CHEK2: variants seen among roughly 807,000 people sequenced by gnomAD.
The protein encoded by CHEK2 is checkpoint kinase 2.
A neutral mutation model predicts 69.1 loss-of-function variants in CHEK2; 71 were observed. The ratio of observed to expected loss-of-function variants is 1.03; its 90% CI spans 0.85 to 1.25. CHEK2 has a LOEUF of 1.25. CHEK2 is among the 50% of genes most tolerant of loss of function. CHEK2 has a pLI of 0.00. For missense variants in CHEK2, 664 were observed against 649.6 expected (o/e 1.02, Z -0.24); for synonymous variants, 189 against 226.9 (o/e 0.83, Z 1.50).
At chr22:28,731,522 G>T (rs1463014647) in intron 2 of CHEK2, among the ~76,000 whole-genome samples, 4 of 151,962 alleles carry the variant, frequency 2.6e-5, no homozygotes, top group Non-Finnish European at 5.9e-5. Flanking sequence ...CTTCAACCCA[G>T]GAGATTGAGG....
At chr22:28,694,393 G>A (rs183366866) in intron 12 of CHEK2, among the ~76,000 whole-genome samples, 70 of 152,190 alleles carry the variant, frequency 4.6e-4, no homozygotes, top group African/African-American at 1.6e-3. Context: ...ACTCAAGGTC[G>A]GACTAATTAA....
At chr22:28,713,944 G>A (rs1294116904) in intron 5 of CHEK2, among the ~76,000 whole-genome samples, 2 of 152,196 alleles carry the variant, frequency 1.3e-5, no homozygotes, top group Non-Finnish European at 2.9e-5. Context: ...GCCTCCCAAA[G>A]TGCTGGGATT....
chr22:28,691,597 G>A (rs1296386889), intron 13 of CHEK2, among the ~76,000 whole-genome samples: 5 of 152,280 alleles, frequency 3.3e-5, no homozygotes, highest in African/African-American at 9.6e-5. Flanking sequence ...TTGTGAGGCT[G>A]AGGCGGGAGG....
chr22:28,721,642 A>G (rs1348807094), intron 4 of CHEK2: 2 of 461,596 alleles, frequency 4.3e-6, no homozygotes, highest in East Asian at 1.4e-4. Context: ...CTATTAAAAA[A>G]AAAAAGATAA....
chr22:28,693,241 A>C (rs1319244964), intron 13 of CHEK2, among the ~76,000 whole-genome samples: 2 of 152,170 alleles, frequency 1.3e-5, no homozygotes, highest in Non-Finnish European at 2.9e-5. Flanking sequence ...ACATACTTCC[A>C]ACTCTTGGCA....
At chr22:28,721,919 T>TG (rs1325311169) in intron 4 of CHEK2, among the ~76,000 whole-genome samples, 1 of 151,666 alleles carries the variant, frequency 6.6e-6, no homozygotes, top group African/African-American at 2.4e-5. Flanking sequence ...TTGGCAGAGA[T>TG]GGGGTCTCAC....
chr22:28,725,483 A>T (rs2053972766), intron 2 of CHEK2, 116 bp from the exon 3 acceptor site: 1 of 1,208,794 alleles, frequency 8.3e-7, no homozygotes, highest in African/African-American at 1.5e-5. Flanking sequence ...CAGAATTATC[A>T]ATCTGCTTAT....
In CHEK2 at chr22:28,730,765, G is replaced by A. The variant is rs112347699; in HGVS notation, c.319+3638C>T. On this transcript the variant is annotated intron_variant, in intron 2 of 14. Coordinates refer to ENST00000404276, the MANE Select transcript of CHEK2 (RefSeq NM_007194.4). The stretch of plus-strand genomic sequence containing the variant: ...CCCAGCTACTTGGGAGGCTGAGGCA[G>A]GAGAATCGCTTGAAACCGGGAGGAG... Among the ~76,000 whole-genome samples, 49 of 152,288 alleles carry A rather than the reference G, an allele frequency of 3.2e-4. 1 individual carries two copies. Among genetic ancestry groups the A allele is most frequent in the African/African-American group, 1.1e-3 (45 of 41,570 alleles).
intron 1 of CHEK2, among the ~76,000 whole-genome samples, chr22:28,740,580 C>T (rs1275724050): frequency 2.0e-5 from 3 of 152,138 alleles, no homozygotes; most frequent in South Asian, 2.1e-4. Context: ...CTATTGTGTA[C>T]GGTTTACAAT....
chr22:28,718,883 A>AACAC (rs144577000), intron 5 of CHEK2, among the ~76,000 whole-genome samples: 14,043 of 140,392 alleles, frequency 0.1, 821 homozygotes, highest in Middle Eastern at 0.18. Context: ...CTCTGACACT[A>AACAC]ACACACACAC....
chr22:28,732,108 A>AT (rs1477011028), intron 2 of CHEK2, among the ~76,000 whole-genome samples: 1 of 149,268 alleles, frequency 6.7e-6, no homozygotes, highest in Admixed American at 6.7e-5. Context: ...CGCCCCGCAA[A>AT]TTTTTTTTTC....
intron 9 of CHEK2, among the ~76,000 whole-genome samples, chr22:28,699,495 G>T (rs908916455): frequency 2.0e-5 from 3 of 150,510 alleles, no homozygotes; most frequent in African/African-American, 7.3e-5. Context: ...CTCCCGAGTA[G>T]CTGGGACTAC....
At position 28,715,614 on chromosome 22, in the gene CHEK2, T is replaced by C. The variant is rs1389259869; in HGVS notation, c.684-3597A>G. Among the ~76,000 whole-genome samples the C allele has an allele frequency of 2.0e-5, 3 of 151,906 alleles. No homozygotes were observed. The East Asian group carries it at 5.8e-4, about 29-fold the overall frequency. On this transcript the variant is annotated intron_variant, in intron 5 of 14. Coordinates refer to ENST00000404276, the MANE Select transcript of CHEK2 (RefSeq NM_007194.4). ...TTTATATTTTTAGTAGAGACAGGGT[T>C]TTACTGTGTCAGCCCGGCTGGTCTC...
At chr22:28,692,875 T>G (rs1211936549) in intron 13 of CHEK2, among the ~76,000 whole-genome samples, 2 of 152,204 alleles carry the variant, frequency 1.3e-5, no homozygotes, top group Non-Finnish European at 2.9e-5. Flanking sequence ...TCACCAGATC[T>G]GACAGTTTCA....
Position 28,702,628 on chromosome 22 carries a change from C to T in CHEK2, c.908+877G>A, listed in dbSNP as rs560909720. On this transcript the variant is annotated intron_variant, in intron 8 of 14. Coordinates refer to ENST00000404276, the MANE Select transcript of CHEK2 (RefSeq NM_007194.4). ...GTGGCACAATCTCAGCTCACTGCAACCTCTGCCTCCCGGGTTCAAGCTATT... is the reference window on the plus strand; with the variant it reads ...GTGGCACAATCTCAGCTCACTGCAATCTCTGCCTCCCGGGTTCAAGCTATT... Among the ~76,000 whole-genome samples the T allele has an allele frequency of 2.0e-5, 3 of 150,204 alleles. No homozygotes were observed. In the South Asian group the frequency reaches 6.3e-4, roughly 32 times the overall value.
chr22:28,719,338 C>A, intron 5 of CHEK2, 57 bp downstream of exon 5: 1 of 882,410 alleles, frequency 1.1e-6, no homozygotes, highest in Non-Finnish European at 1.8e-6. Context: ...TGAGAAACCA[C>A]CAATCACAAA....
chr22:28,706,060 G>A (rs2053127101), intron 7 of CHEK2, among the ~76,000 whole-genome samples: 1 of 152,030 alleles, frequency 6.6e-6, no homozygotes, highest in African/African-American at 2.4e-5. Context: ...TTGGGAGGCT[G>A]AAGCGGGCAG....
intron 7 of CHEK2, among the ~76,000 whole-genome samples, chr22:28,707,479 A>C (rs2053194220): frequency 6.6e-6 from 1 of 152,168 alleles, no homozygotes. Context: ...AGTCACACTA[A>C]AGTGAGGGAA....
At chr22:28,689,944 C>T (rs1250904119) in intron 13 of CHEK2, among the ~76,000 whole-genome samples, 1 of 152,104 alleles carries the variant, frequency 6.6e-6, no homozygotes, top group Non-Finnish European at 1.5e-5. Flanking sequence ...TGCAGCTCTC[C>T]CCATCTTCAG....
Sources: gnomAD v4.1 joint callset for allele counts (sites outside exome capture counted in the v4.1 genomes callset) on GRCh38, gnomAD v4.1.1 for gene constraint, MANE v1.5 for transcripts, NCBI Gene and HGNC (gene_info 2026-07-23, HGNC 2026-07-21) for gene names.